The following SGIP1 variants were observed in gnomAD, a reference collection of about 807,000 sequenced individuals.
SGIP1 encodes the protein SH3GL interacting endocytic adaptor 1, also known as SH3-containing GRB2-like protein 3-interacting protein 1.
SGIP1 carries 38 observed loss-of-function variants against 107.5 expected under a neutral mutation model. The observed-to-expected ratio is 0.35, with a 90% CI of 0.27 to 0.46. The LOEUF (loss-of-function observed/expected upper bound fraction) is 0.46. Ranked by LOEUF, SGIP1 falls within the 20% of genes least tolerant of loss-of-function variation. The pLI is 1.00. For synonymous variants in SGIP1, 365 were observed against 366.1 expected (o/e 1.00, Z 0.03); for missense variants, 929 against 1,019.5 (o/e 0.91, Z 1.21).
intron 1 of SGIP1, among the ~76,000 whole-genome samples, chr1:66,619,589 A>G (rs1385504324): frequency 6.6e-6 from 1 of 152,230 alleles, no homozygotes; most frequent in East Asian, 1.9e-4. Flanking sequence ...GAAGGTGACC[A>G]TTCTACATTT....
chr1:66,737,007 C>A (rs2094287711), intron 21 of SGIP1, among the ~76,000 whole-genome samples: 1 of 152,026 alleles, frequency 6.6e-6, no homozygotes, highest in South Asian at 2.1e-4. Context: ...TCATCACTTA[C>A]AAATTAAAAT....
chr1:66,660,543 C>T lies in SGIP1; in HGVS notation c.471+19C>T. On this transcript the variant is annotated intron_variant, in intron 8 of 24. Coordinates refer to ENST00000371037, the MANE Select transcript of SGIP1 (RefSeq NM_032291.4). ...AAGTCCGGTAAGAAATAAGTCCTTC[C>T]CGCTTTTGGGGCAAACATTATTTAT... 6.2e-7 allele frequency: 1 copy of T among 1,605,524 alleles called. No individual in the cohort carries two copies. Among genetic ancestry groups the T allele is most frequent in the African/African-American group, 1.3e-5 (1 of 74,854 alleles).
At chr1:66,643,355 A>G (rs1420753934) in intron 6 of SGIP1, among the ~76,000 whole-genome samples, 189 bp from the exon 7 acceptor site, 1 of 152,160 alleles carries the variant, frequency 6.6e-6, no homozygotes, top group Non-Finnish European at 1.5e-5. Context: ...CTTGAAATTC[A>G]CCATCCTTGA....
At chr1:66,607,641 C>A (rs914066219) in intron 1 of SGIP1, among the ~76,000 whole-genome samples, 6 of 152,180 alleles carry the variant, frequency 3.9e-5, no homozygotes, top group Non-Finnish European at 8.8e-5. Context: ...TCCGAAAGGT[C>A]TAGAGTAATG....
At chr1:66,685,054 CAT>C (rs1282621240) in intron 15 of SGIP1, among the ~76,000 whole-genome samples, 1 of 152,158 alleles carries the variant, frequency 6.6e-6, no homozygotes, top group Non-Finnish European at 1.5e-5. Context: ...ATTGGTGGAA[CAT>C]ATACAAGCTG....
intron 1 of SGIP1, among the ~76,000 whole-genome samples, chr1:66,536,029 G>T (rs940844762): frequency 4.6e-5 from 7 of 152,188 alleles, no homozygotes; most frequent in Non-Finnish European, 1.0e-4. Context: ...TTTGAAGGTT[G>T]TAACGTTTTT....
At chr1:66,637,013 A>C (rs2075903177) in intron 4 of SGIP1, among the ~76,000 whole-genome samples, 1 of 151,142 alleles carries the variant, frequency 6.6e-6, no homozygotes. Context: ...GAAGTTACTT[A>C]TGTTAAGGTA....
chr1:66,564,707 C>T (rs2059415958), intron 1 of SGIP1, among the ~76,000 whole-genome samples: 1 of 151,816 alleles, frequency 6.6e-6, no homozygotes, highest in Non-Finnish European at 1.5e-5. Flanking sequence ...TTCACCAGTC[C>T]ACACAAAGGT....
chr1:66,545,664 GTGTGTA>G (rs2056218384), intron 1 of SGIP1, among the ~76,000 whole-genome samples: 1 of 151,786 alleles, frequency 6.6e-6, no homozygotes, highest in Non-Finnish European at 1.5e-5. Flanking sequence ...GTGTGTGTGT[GTGTGTA>G]TACATACAGA....
At chr1:66,593,972 G>A (rs2064138337) in intron 1 of SGIP1, among the ~76,000 whole-genome samples, 2 of 152,098 alleles carry the variant, frequency 1.3e-5, no homozygotes, top group South Asian at 2.1e-4. Flanking sequence ...AGCATTGAAT[G>A]TTTCTTAATG....
intron 15 of SGIP1, chr1:66,684,135 A>G (rs1454743300): frequency 6.4e-7 from 1 of 1,550,618 alleles, no homozygotes; most frequent in Admixed American, 2.0e-5. Flanking sequence ...AGAGATATCA[A>G]GTAATTTGCC....
At chr1:66,724,941 G>A (rs1398687552) in intron 19 of SGIP1, among the ~76,000 whole-genome samples, 1 of 152,152 alleles carries the variant, frequency 6.6e-6, no homozygotes, top group African/African-American at 2.4e-5. Flanking sequence ...TCTAATAGCT[G>A]CCAAACAATA....
intron 1 of SGIP1, among the ~76,000 whole-genome samples, chr1:66,556,295 T>C (rs1490499217): frequency 3.9e-5 from 6 of 152,110 alleles, no homozygotes; most frequent in Admixed American, 6.5e-5. Flanking sequence ...GCTCTCCTTT[T>C]TTCCTTTGAA....
chr1:66,538,608 C>T (rs1018564123), intron 1 of SGIP1, among the ~76,000 whole-genome samples: 1 of 152,088 alleles, frequency 6.6e-6, no homozygotes, highest in African/African-American at 2.4e-5. Flanking sequence ...AGGAAGTTAC[C>T]AACTCACAAT....
At chr1:66,622,794 G>A (rs966281421) in intron 1 of SGIP1, among the ~76,000 whole-genome samples, 3 of 152,144 alleles carry the variant, frequency 2.0e-5, no homozygotes, top group Non-Finnish European at 4.4e-5. Context: ...GTTGGCAAGG[G>A]AAGAGTCATC....
chr1:66,624,102 C>A (rs2071976560), intron 1 of SGIP1, among the ~76,000 whole-genome samples: 1 of 152,100 alleles, frequency 6.6e-6, no homozygotes, highest in South Asian at 2.1e-4. Context: ...GCACTTGAAA[C>A]CCTGAGATGA....
chr1:66,718,324 A>C (rs906470355), intron 18 of SGIP1, among the ~76,000 whole-genome samples: 1 of 152,142 alleles, frequency 6.6e-6, no homozygotes, highest in Admixed American at 6.6e-5. Context: ...TCAATAACAA[A>C]AAAAAAATCT....
intron 24 of SGIP1, among the ~76,000 whole-genome samples, chr1:66,742,137 T>C (rs919203165): frequency 6.6e-6 from 1 of 152,198 alleles, no homozygotes; most frequent in Non-Finnish European, 1.5e-5. Context: ...TTTAGACTTG[T>C]CAGGTTTAGC....
intron 18 of SGIP1, among the ~76,000 whole-genome samples, chr1:66,706,202 C>T (rs1023074693): frequency 2.9e-4 from 44 of 150,368 alleles, no homozygotes; most frequent in African/African-American, 1.1e-3. Flanking sequence ...TTATAATTTG[C>T]TTCTTGCTAT....
Sources: gnomAD v4.1 joint callset for allele counts (sites outside exome capture counted in the v4.1 genomes callset) on GRCh38, gnomAD v4.1.1 for gene constraint, MANE v1.5 for transcripts, NCBI Gene and HGNC (gene_info 2026-07-23, HGNC 2026-07-21) for gene names.